SLC19A1: variants seen among roughly 807,000 people sequenced by gnomAD.
SLC19A1 encodes reduced folate transporter.
A neutral mutation model predicts 35.3 loss-of-function variants in SLC19A1; 37 were observed. The ratio of observed to expected loss-of-function variants is 1.05; its 90% CI spans 0.81 to 1.38. The LOEUF is 1.38. Among genes scored for constraint, SLC19A1 ranks in the 40% most tolerant of loss-of-function variants. SLC19A1 has a pLI of 0.00. For synonymous variants in SLC19A1, 460 were observed against 398.5 expected (o/e 1.15, Z -1.84); for missense variants, 831 against 826.9 (o/e 1.00, Z -0.06).
downstream of SLC19A1, chr21:45,509,569 C>T (rs944484754): frequency 9.2e-6 from 14 of 1,530,046 alleles, no homozygotes; most frequent in African/African-American, 1.6e-4. Context: ...CACAAGCCCA[C>T]CCGCCCACAG....
chr21:45,552,425 G>A (rs1435720736), intron 1 of SLC19A1, among the ~76,000 whole-genome samples: 3 of 152,040 alleles, frequency 2.0e-5, no homozygotes, highest in African/African-American at 7.3e-5. Flanking sequence ...ATCGGTGGCT[G>A]TTGGGTCGGG....
intron 3 of SLC19A1, chr21:45,505,155 C>G: frequency 6.2e-7 from 1 of 1,608,844 alleles, no homozygotes; most frequent in South Asian, 1.1e-5. Context: ...AGAGAGCATC[C>G]GGGGCCAGCC....
At chr21:45,526,449 T>C (rs2077622773) in intron 4 of SLC19A1, among the ~76,000 whole-genome samples, 1 of 152,326 alleles carries the variant, frequency 6.6e-6, no homozygotes. Context: ...TGGAGTAATT[T>C]TGTGCATGAA....
chr21:45,509,486 G>C, downstream of SLC19A1: 1 of 1,523,474 alleles, frequency 6.6e-7, no homozygotes, highest in Non-Finnish European at 8.8e-7. Context: ...AGCCCCCCTC[G>C]CCTGCCCGAG....
Position 45,527,236 on chromosome 21 carries a change from G to A in SLC19A1, c.1152-1278C>T, listed in dbSNP as rs73907588. Among the ~76,000 whole-genome samples the A allele has an allele frequency of 1.3e-4, 19 of 150,468 alleles. No individual in the cohort carries two copies. The East Asian group carries it at 1.6e-3, about 13-fold the overall frequency. The stretch of plus-strand genomic sequence containing the variant: ...GGGCCCTGGAGGTGAGTGGCAATTG[G>A]GGGGGAGGGGGGCCTGGAGGCGGGG... On this transcript the variant is annotated intron_variant, in intron 4 of 5. Transcript: ENST00000311124.
downstream of SLC19A1, chr21:45,510,247 A>G: frequency 3.7e-6 from 6 of 1,605,404 alleles, no homozygotes; most frequent in Non-Finnish European, 2.5e-6. Flanking sequence ...AGCCGTGCCC[A>G]TCGTCAACCT....
chr21:45,503,799 A>G, intron 3 of SLC19A1: 1 of 302,294 alleles, frequency 3.3e-6, no homozygotes, highest in Non-Finnish European at 5.9e-6. Context: ...TAAATTTAAA[A>G]AATTTAAAAA....
chr21:45,560,145 C>G (rs961183533), intron 1 of SLC19A1, among the ~76,000 whole-genome samples: 2 of 152,154 alleles, frequency 1.3e-5, no homozygotes, highest in Non-Finnish European at 2.9e-5. Flanking sequence ...AACCGTGCAG[C>G]CTTCCTGGGG....
intron 4 of SLC19A1, among the ~76,000 whole-genome samples, chr21:45,526,339 C>CTG (rs1270708070): frequency 2.0e-5 from 3 of 152,252 alleles, no homozygotes; most frequent in African/African-American, 7.2e-5. Context: ...CTCATATGCA[C>CTG]TGTACACACA....
At chr21:45,527,389 AG>A (rs2077668752) in intron 4 of SLC19A1, among the ~76,000 whole-genome samples, 19 of 122,388 alleles carry the variant, frequency 1.6e-4, no homozygotes, top group Middle Eastern at 5.4e-3. Context: ...GAGTGGCAGC[AG>A]GTTAGGACGG....
chr21:45,556,583 A>T (rs1371201598), intron 1 of SLC19A1, among the ~76,000 whole-genome samples: 1 of 152,272 alleles, frequency 6.6e-6, no homozygotes, highest in Non-Finnish European at 1.5e-5. Context: ...AACTAACTGA[A>T]TTCTTCTCAA....
At position 45,534,844 on chromosome 21, in the gene SLC19A1, C is replaced by G. The variant is rs552923033; in HGVS notation, c.190-2696G>C. On this transcript the variant is annotated intron_variant, in intron 2 of 5. Coordinates refer to ENST00000311124, the MANE Select transcript of SLC19A1 (RefSeq NM_194255.4). The surrounding 1 kb of genome is among the most constrained non-coding windows in gnomAD (Gnocchi z 4.2). ...CAGCAGGGAGGTGGCATCTGTCAGG[C>G]GGCCACGACTCTGACACGAGGACAG... 1 of 561,060 alleles carries G rather than the reference C, an allele frequency of 1.8e-6. No individual in the cohort carries two copies. Among genetic ancestry groups the G allele is most frequent in the Non-Finnish European group, 3.2e-6 (1 of 313,362 alleles). The allele number at this position is 561,060 out of a possible 1,614,324, so 34.8% of individuals were successfully genotyped here. A position where few individuals can be genotyped will look rare whatever the true frequency, so the allele number is the denominator to read the frequency against.
chr21:45,552,741 T>A (rs936522094), intron 1 of SLC19A1, among the ~76,000 whole-genome samples: 4 of 152,038 alleles, frequency 2.6e-5, no homozygotes, highest in Non-Finnish European at 4.4e-5. Context: ...CCCAGACCCC[T>A]AATGCGGAGC....
In SLC19A1 at chr21:45,504,469, C is replaced by G. The variant is rs11544970; in HGVS notation, c.498-5857G>C. 17 of 1,608,040 alleles carry G rather than the reference C, an allele frequency of 1.1e-5. No individual in the cohort carries two copies. Among genetic ancestry groups the G allele is most frequent in the African/African-American group, 1.3e-5 (1 of 74,500 alleles). ...GACAGAAAGGCGAAAGGGGGGAGCC[C>G]GGGGGCGGCGGTTTCTTCGGCTCCA... On this transcript the variant is annotated intron_variant, in intron 3 of 4. Coordinates refer to the SLC19A1 transcript ENST00000417954.
chr21:45,506,454 C>T (rs2037209573), intron 3 of SLC19A1: 1 of 271,032 alleles, frequency 3.7e-6, no homozygotes, highest in Non-Finnish European at 7.3e-6. Context: ...ACCAGCCTGG[C>T]TCCTCAGACA....
chr21:45,503,596 T>C (rs1035644654), intron 3 of SLC19A1, among the ~76,000 whole-genome samples: 3 of 128,774 alleles, frequency 2.3e-5, no homozygotes, highest in African/African-American at 9.0e-5. Context: ...TGAGATCACA[T>C]GGACACAGGA....
intron 3 of SLC19A1, among the ~76,000 whole-genome samples, chr21:45,504,923 C>T (rs1229435719): frequency 6.6e-6 from 1 of 151,458 alleles, no homozygotes; most frequent in Non-Finnish European, 1.5e-5. Flanking sequence ...GTTGTCAGGT[C>T]TCTGCTGGTC....
At chr21:45,552,507 C>T (rs1474463456) in intron 1 of SLC19A1, among the ~76,000 whole-genome samples, 2 of 152,110 alleles carry the variant, frequency 1.3e-5, no homozygotes, top group African/African-American at 2.4e-5. Flanking sequence ...CCGCAGCCCT[C>T]GAATGTGCAG....
At position 45,515,980 on chromosome 21, in the gene SLC19A1, C is replaced by T; in HGVS notation, c.1454G>A (p.Ser485Asn). The T allele has an allele frequency of 3.2e-6, 5 of 1,558,652 alleles. No homozygotes were observed. Among genetic ancestry groups the T allele is most frequent in the Non-Finnish European group, 3.5e-6 (4 of 1,152,350 alleles). The change falls in exon 6 of 6, where the codon AGC becomes AAC. Residue 485 changes from serine to asparagine, a missense_variant. Physicochemically the swap from Ser to Asn is conservative, Grantham distance 46. Transcript: ENST00000311124. ...AAEEKAAQAL[S>N]VQDKGLGGLQ... ...GCCTCCGAGGCCCTTGTCCTGCACG[C>T]TCAGTGCCTGTGCTGCCTTCTCCTC...
Sources: gnomAD v4.1 joint callset for allele counts (sites outside exome capture counted in the v4.1 genomes callset) on GRCh38, gnomAD v4.1.1 for gene constraint, Gnocchi (gnomAD v3.1) non-coding constraint, MANE v1.5 for transcripts, NCBI Gene and HGNC (gene_info 2026-07-23, HGNC 2026-07-21) for gene names.